Variants in DLG5 observed in about 807,000 individuals in gnomAD.
DLG5 encodes disks large homolog 5.
Under a neutral mutation model 189.8 loss-of-function variants are expected in DLG5, and 48 were observed. That is an observed-to-expected ratio of 0.25 (90% CI 0.20 to 0.32). DLG5 has a LOEUF of 0.32. Ranked by LOEUF, DLG5 falls within the 10% of genes least tolerant of loss-of-function variation. The pLI is 1.00. For synonymous variants in DLG5, 1,016 were observed against 1,054.1 expected, an observed-to-expected ratio of 0.96 and a Z score of 0.70; for missense variants, 2,160 against 2,544.7, an observed-to-expected ratio of 0.85 and a Z score of 3.25.
intron 1 of DLG5, among the ~76,000 whole-genome samples, chr10:77,910,981 CT>C (rs1256611278): frequency 1.3e-3 from 124 of 98,928 alleles, no homozygotes; most frequent in African/African-American, 4.7e-3. Flanking sequence ...GAGATTCTGT[CT>C]GAAGGAAAAA....
At chr10:77,867,246 T>C in intron 2 of DLG5, 1 of 373,086 alleles carries the variant, frequency 2.7e-6, no homozygotes, top group Non-Finnish European at 5.4e-6. Flanking sequence ...GTTAGGCAAA[T>C]ACCCCTCTCT....
At chr10:77,884,065 G>A (rs1286491913) in intron 1 of DLG5, among the ~76,000 whole-genome samples, 1 of 152,180 alleles carries the variant, frequency 6.6e-6, no homozygotes, top group East Asian at 1.9e-4. Flanking sequence ...GTGAAGACAG[G>A]AGGAAAAAAT....
intron 2 of DLG5, among the ~76,000 whole-genome samples, chr10:77,859,040 T>A (rs912379241): frequency 1.3e-5 from 2 of 152,122 alleles, no homozygotes; most frequent in East Asian, 3.9e-4. Context: ...ACCCAGCTAA[T>A]TTTTTTGTAT....
At chr10:77,865,382 CCT>C (rs1409639031) in intron 2 of DLG5, among the ~76,000 whole-genome samples, 2 of 152,152 alleles carry the variant, frequency 1.3e-5, no homozygotes, top group South Asian at 2.1e-4. Flanking sequence ...CCCACCTTCC[CCT>C]GTCAACCAGA....
chr10:77,828,563 G>A (rs1271315110), intron 13 of DLG5, among the ~76,000 whole-genome samples: 8 of 146,704 alleles, frequency 5.5e-5, no homozygotes, highest in Non-Finnish European at 1.0e-4. Flanking sequence ...CTTATTTCCC[G>A]CTTAGGCCTT....
intron 1 of DLG5, among the ~76,000 whole-genome samples, chr10:77,888,314 T>C (rs1845502802): frequency 6.6e-6 from 1 of 152,142 alleles, no homozygotes; most frequent in Non-Finnish European, 1.5e-5. Context: ...AGGAAAGACC[T>C]TGGCTGGCTC....
intron 1 of DLG5, among the ~76,000 whole-genome samples, chr10:77,906,756 C>T (rs1303372404): frequency 6.6e-6 from 1 of 151,782 alleles, no homozygotes; most frequent in Admixed American, 6.6e-5. Flanking sequence ...TCCCGAGCAG[C>T]TGGAAGTACA....
the DLG5 span, among the ~76,000 whole-genome samples, chr10:77,931,968 C>G: frequency 6.6e-6 from 1 of 152,212 alleles, no homozygotes; most frequent in Non-Finnish European, 1.5e-5. Context: ...TGCCTGGTGT[C>G]TGGCAGGCAT....
At chr10:77,804,906 C>A (rs1841394218) in intron 27 of DLG5, among the ~76,000 whole-genome samples, 1 of 152,190 alleles carries the variant, frequency 6.6e-6, no homozygotes, top group African/African-American at 2.4e-5. Context: ...GCTATCCCTC[C>A]ATTCTTCCTC....
At position 77,895,622 on chromosome 10, in the gene DLG5, C is replaced by T. The variant is rs149151108; in HGVS notation, c.305-26425G>A. Reference sequence around the variant, plus strand: ...TGGAGAAGTCCCTCAGCTGTTCAGACCACAGATTCTGTAAAAAAAGGATAG... The same window carrying T: ...TGGAGAAGTCCCTCAGCTGTTCAGATCACAGATTCTGTAAAAAAAGGATAG... On this transcript the variant is annotated intron_variant, in intron 1 of 31. Transcript: ENST00000372391. Among the ~76,000 whole-genome samples the T allele has an allele frequency of 9.8e-5, 15 of 152,310 alleles. No homozygotes were observed. In the East Asian group the frequency reaches 2.9e-3, roughly 29 times the overall value.
At chr10:77,828,479 T>C (rs1589167861) in intron 13 of DLG5, among the ~76,000 whole-genome samples, 1 of 80,526 alleles carries the variant, frequency 1.2e-5, no homozygotes, top group Non-Finnish European at 2.1e-5. Context: ...AGAGCAAGAC[T>C]CCATATCAAA....
intron 11 of DLG5, 140 bp from the exon 12 acceptor site, chr10:77,829,670 T>G: frequency 9.6e-7 from 1 of 1,041,826 alleles, no homozygotes; most frequent in Non-Finnish European, 1.4e-6. Flanking sequence ...CTTGCAGGAG[T>G]GCACAGTGGT....
At chr10:77,892,498 C>T (rs920831120) in intron 1 of DLG5, among the ~76,000 whole-genome samples, 3 of 152,206 alleles carry the variant, frequency 2.0e-5, no homozygotes, top group Admixed American at 6.5e-5. Flanking sequence ...AGAATGTCAA[C>T]AACAGAAGGG....
chr10:77,807,994 C>T, intron 24 of DLG5, 50 bp from the exon 25 acceptor site: 1 of 1,608,712 alleles, frequency 6.2e-7, no homozygotes. Flanking sequence ...CAGGGGGCAG[C>T]TTGGGCACCC....
At chr10:77,834,117 G>T in intron 8 of DLG5, 78 bp from the exon 9 acceptor site, 2 of 1,532,560 alleles carry the variant, frequency 1.3e-6, no homozygotes, top group East Asian at 4.6e-5. Context: ...GGATGGTCTG[G>T]CCACCTCACT....
At chr10:77,890,198 G>A (rs747313383) in intron 1 of DLG5, among the ~76,000 whole-genome samples, 5 of 152,188 alleles carry the variant, frequency 3.3e-5, no homozygotes, top group African/African-American at 1.2e-4. Context: ...CAATGAGAAC[G>A]GCAAGCAGCT....
At chr10:77,903,756 C>T (rs1192094296) in intron 1 of DLG5, among the ~76,000 whole-genome samples, 3 of 152,084 alleles carry the variant, frequency 2.0e-5, no homozygotes, top group African/African-American at 7.2e-5. Flanking sequence ...TGGGAATATT[C>T]CAAAATCCAA....
chr10:77,824,545 G>T, intron 13 of DLG5, 69 bp from the exon 14 acceptor site: 1 of 1,260,074 alleles, frequency 7.9e-7, no homozygotes, highest in Non-Finnish European at 1.1e-6. Context: ...CAGGATCTCT[G>T]CCTACCTAAC....
chr10:77,895,973 A>G (rs368623735), intron 1 of DLG5, among the ~76,000 whole-genome samples: 1 of 152,162 alleles, frequency 6.6e-6, no homozygotes, highest in African/African-American at 2.4e-5. Flanking sequence ...ATGTGGGGTC[A>G]CTGGCCTCCT....
Sources: gnomAD v4.1 joint callset for allele counts (sites outside exome capture counted in the v4.1 genomes callset) on GRCh38, gnomAD v4.1.1 for gene constraint, MANE v1.5 for transcripts, NCBI Gene and HGNC (gene_info 2026-07-23, HGNC 2026-07-21) for gene names.